Variants in ZFC3H1 observed in about 807,000 individuals in gnomAD.
ZFC3H1 encodes zinc finger C3H1 domain-containing protein.
A neutral mutation model predicts 243.7 loss-of-function variants in ZFC3H1; 71 were observed. The observed-to-expected ratio is 0.29, with a 90% CI of 0.24 to 0.36. ZFC3H1 has a LOEUF of 0.36. Among genes scored for constraint, ZFC3H1 ranks in the 10% least tolerant of loss-of-function variants. The pLI, the probability that ZFC3H1 is intolerant of heterozygous loss-of-function variation, is 1.00. For missense variants in ZFC3H1, 1,966 were observed against 2,317.1 expected (o/e 0.85, Z 3.11); for synonymous variants, 838 against 813.0 (o/e 1.03, Z -0.52).
In ZFC3H1 at chr12:71,642,421, A is replaced by T. The variant is rs1880622775; in HGVS notation, c.1627+15T>A. ...TACATGTAAATACACAAAGGTTTCA[A>T]GTTTTGGCTCATACCTGGAGAACTG... On this transcript the variant is annotated intron_variant, in intron 6 of 34. Coordinates refer to ENST00000378743, the MANE Select transcript of ZFC3H1 (RefSeq NM_144982.5). The T allele has an allele frequency of 6.2e-7, 1 of 1,606,838 alleles. No homozygotes were observed. The highest frequency in any genetic ancestry group is 1.7e-5 in the Admixed American group (1 of 59,000).
At chr12:71,632,675 CTAGT>C (rs1880353542) in intron 14 of ZFC3H1, among the ~76,000 whole-genome samples, 161 bp from the exon 15 acceptor site, 1 of 151,978 alleles carries the variant, frequency 6.6e-6, no homozygotes. Context: ...AAAAGTTTTG[CTAGT>C]TAATCTATGA....
Position 71,614,592 on chromosome 12 carries a change from T to A in ZFC3H1, c.5469A>T (p.Arg1823=). The A allele has an allele frequency of 6.2e-7, 1 of 1,613,214 alleles. No individual in the cohort carries two copies. Among genetic ancestry groups the A allele is most frequent in the Non-Finnish European group, 8.5e-7 (1 of 1,179,510 alleles). ...VNRCLVTVPA[R]YPIPFSSADY... is the part of the protein sequence containing the mutation. ...CAGCACTGCTAAAAGGAATGGGGTA[T>A]CGGGCAGGGACTGTAACCAAACATC... is the stretch of plus-strand genomic sequence containing the variant. The change falls in exon 30 of 35, where the codon CGA becomes CGT. Residue 1823 remains arginine, a synonymous_variant. Coordinates refer to ENST00000378743, the MANE Select transcript of ZFC3H1 (RefSeq NM_144982.5).
intron 2 of ZFC3H1, among the ~76,000 whole-genome samples, chr12:71,653,228 G>C (rs1245645590): frequency 6.6e-6 from 1 of 152,124 alleles, no homozygotes; most frequent in Non-Finnish European, 1.5e-5. Flanking sequence ...AAATGAAATA[G>C]TAAAACAAAA....
chr12:71,624,455 A>T (rs1880108650), intron 22 of ZFC3H1, among the ~76,000 whole-genome samples, 163 bp from the exon 23 acceptor site: 1 of 152,236 alleles, frequency 6.6e-6, no homozygotes, highest in African/African-American at 2.4e-5. Flanking sequence ...ACTACAACCT[A>T]GACTCCCTCT....
At chr12:71,648,521 C>T (rs1880785915) in intron 2 of ZFC3H1, among the ~76,000 whole-genome samples, 1 of 152,040 alleles carries the variant, frequency 6.6e-6, no homozygotes, top group African/African-American at 2.4e-5. Flanking sequence ...CTTAAGATGA[C>T]AAAACTGAAA....
chr12:71,646,581 T>C (rs1342403168), intron 3 of ZFC3H1, among the ~76,000 whole-genome samples: 2 of 152,228 alleles, frequency 1.3e-5, no homozygotes, highest in East Asian at 3.8e-4. Context: ...ATCCTCACTG[T>C]TCCATTGAGA....
intron 12 of ZFC3H1, 121 bp downstream of exon 12, chr12:71,634,034 T>G (rs1479924450): frequency 2.0e-6 from 2 of 999,706 alleles, no homozygotes; most frequent in Admixed American, 5.4e-5. Flanking sequence ...GACTTCTACA[T>G]TCTACAAAGT....
At chr12:71,655,535 G>C (rs1880994738) in intron 2 of ZFC3H1, among the ~76,000 whole-genome samples, 1 of 151,978 alleles carries the variant, frequency 6.6e-6, no homozygotes, top group Non-Finnish European at 1.5e-5. Context: ...AAAAGTAAAG[G>C]ATTCTTAAGA....
At chr12:71,620,185 T>A in intron 25 of ZFC3H1, 25 bp downstream of exon 25, 1 of 1,613,998 alleles carries the variant, frequency 6.2e-7, no homozygotes, top group Non-Finnish European at 8.5e-7. Context: ...AATATAAGGT[T>A]AGCTGCTTGG....
intron 27 of ZFC3H1, among the ~76,000 whole-genome samples, chr12:71,618,426 C>G (rs1016052683): frequency 1.3e-5 from 2 of 152,082 alleles, no homozygotes; most frequent in Non-Finnish European, 2.9e-5. Flanking sequence ...TCTTTCTTCT[C>G]TTGTTCTTCC....
intron 1 of ZFC3H1, 40 bp from the exon 2 acceptor site, chr12:71,657,341 C>A: frequency 7.2e-7 from 1 of 1,390,024 alleles, no homozygotes; most frequent in South Asian, 1.8e-5. Flanking sequence ...CAAAAATTTT[C>A]CACAGTTAAA....
chr12:71,638,695 C>T (rs1047844430), intron 6 of ZFC3H1, among the ~76,000 whole-genome samples, 180 bp from the exon 7 acceptor site: 4 of 152,074 alleles, frequency 2.6e-5, no homozygotes. Context: ...ATTGTCATAT[C>T]ATCATAAAGT....
chr12:71,615,429 G>A, intron 27 of ZFC3H1, 113 bp from the exon 28 acceptor site: 1 of 710,472 alleles, frequency 1.4e-6, no homozygotes. Flanking sequence ...TATTTTTTTA[G>A]AAAGCAATGA....
At chr12:71,654,649 G>GA (rs1005933148) in intron 2 of ZFC3H1, among the ~76,000 whole-genome samples, 2 of 148,766 alleles carry the variant, frequency 1.3e-5, no homozygotes, top group East Asian at 2.0e-4. Context: ...ACTAGCAAAT[G>GA]AAAAAAAATT....
chr12:71,663,632 A>C lies in ZFC3H1; in HGVS notation c.-22T>G, dbSNP rs1180600065. On this transcript the variant is annotated 5_prime_UTR_variant, in exon 1 of 35. Coordinates refer to ENST00000378743, the MANE Select transcript of ZFC3H1 (RefSeq NM_144982.5). ...CCATCCGGGGAGCAGCGCCTTCCACACAACCTTAGCCCTCCGTCCGGGGAT... is the reference window on the plus strand; with the variant it reads ...CCATCCGGGGAGCAGCGCCTTCCACCCAACCTTAGCCCTCCGTCCGGGGAT... 1.2e-6 allele frequency: 2 copies of C among 1,601,022 alleles called. No individual in the cohort carries two copies. Among genetic ancestry groups the C allele is most frequent in the South Asian group, 1.1e-5 (1 of 90,508 alleles).
intron 6 of ZFC3H1, among the ~76,000 whole-genome samples, chr12:71,642,208 G>C (rs2137545961): frequency 6.6e-6 from 1 of 152,206 alleles, no homozygotes; most frequent in South Asian, 2.1e-4. Flanking sequence ...TTATTTATTT[G>C]TTTTTTAATT....
At chr12:71,629,077 G>GT (rs559873321) in intron 19 of ZFC3H1, 40 bp from the exon 20 acceptor site, 19,165 of 1,292,992 alleles carry the variant, frequency 0.015, no homozygotes, top group South Asian at 0.018. Flanking sequence ...GATATAACTA[G>GT]TTTTTTTTTT....
chr12:71,620,651 T>A (rs1880003621), intron 24 of ZFC3H1, among the ~76,000 whole-genome samples: 1 of 152,116 alleles, frequency 6.6e-6, no homozygotes, highest in Middle Eastern at 3.4e-3. Context: ...AAAAAAAAAA[T>A]TACAGAATAA....
chr12:71,662,937 C>G (rs1055422348), intron 1 of ZFC3H1, 76 bp downstream of exon 1: 12 of 1,380,708 alleles, frequency 8.7e-6, no homozygotes, highest in Non-Finnish European at 1.2e-5. Context: ...AAGTTACACT[C>G]GTCTCACAGA....
Sources: gnomAD v4.1 joint callset for allele counts (sites outside exome capture counted in the v4.1 genomes callset) on GRCh38, gnomAD v4.1.1 for gene constraint, MANE v1.5 for transcripts, NCBI Gene and HGNC (gene_info 2026-07-23, HGNC 2026-07-21) for gene names.